RAB33B: variants seen among roughly 807,000 people sequenced by gnomAD.
The protein encoded by RAB33B is RAB33B, member RAS oncogene family.
Under a neutral mutation model 15.0 loss-of-function variants are expected in RAB33B, and 6 were observed. The ratio of observed to expected loss-of-function variants is 0.40; its 90% CI spans 0.22 to 0.79. The LOEUF is 0.79. Ranked by LOEUF, RAB33B falls within the 30% of genes least tolerant of loss-of-function variation. The pLI is 0.37. For missense variants in RAB33B, 257 were observed against 296.4 expected (o/e 0.87, Z 0.98); for synonymous variants, 117 against 108.3 (o/e 1.08, Z -0.50).
At position 139,474,473 on chromosome 4, in the gene RAB33B, T is replaced by C. The variant is rs1295736098; in HGVS notation, c.*1347T>C. 6.6e-6 allele frequency: 1 copy of C among 152,314 alleles called. No individual in the cohort carries two copies. The highest frequency in any genetic ancestry group is 1.9e-4 in the East Asian group (1 of 5,196). The allele number at this position is 152,314 out of a possible 1,614,324, so 9.4% of individuals were successfully genotyped here. On this transcript the variant is annotated 3_prime_UTR_variant, in exon 2 of 2. Coordinates refer to ENST00000305626, the MANE Select transcript of RAB33B (RefSeq NM_031296.3). ...CTTCCTTCAACTCCAATAAATTTAA[T>C]GACTAAATGCCAAGTTAACAAATCA...
In RAB33B at chr4:139,454,206, A is replaced by G. The variant is rs757940962; in HGVS notation, c.11A>G (p.Glu4Gly). 4.3e-6 allele frequency: 7 copies of G among 1,612,258 alleles called. No homozygotes were observed. In the South Asian group the frequency reaches 6.6e-5, roughly 15 times the overall value. ...GGGCGGGTCGGGGGAATGGCTGAGG[A>G]GATGGAGTCGTCGCTCGAGGCAAGC... MAEEMESSLEASFS... is the reference protein window; with the variant it reads MAEGMESSLEASFS... Residue 4 changes from glutamate (E) to glycine (G), a missense_variant, in exon 1 of 2, where the codon GAG (glutamate) becomes GGG (glycine). Physicochemically the swap from Glu to Gly is moderately conservative, Grantham distance 98 (BLOSUM62 -2). Coordinates refer to ENST00000305626, the MANE Select transcript of RAB33B (RefSeq NM_031296.3).
the RAB33B span, among the ~76,000 whole-genome samples, chr4:139,439,901 A>G: frequency 5.3e-5 from 8 of 151,776 alleles, no homozygotes; most frequent in Admixed American, 1.3e-4. Context: ...TCTGTTTTTG[A>G]TATTTCCATT....
chr4:139,454,556 G>A lies in RAB33B; in HGVS notation c.249+112G>A, dbSNP rs1750026102. 6.5e-6 allele frequency: 8 copies of A among 1,237,972 alleles called. No individual in the cohort carries two copies. The East Asian group carries it at 1.5e-4, about 24-fold the overall frequency. The allele number at this position is 1,237,972 out of a possible 1,614,324, so 76.7% of individuals were successfully genotyped here. ...TGTGTGCGCTCCATTTTTTTCTCAC[G>A]CTGATGAGATTGGAGTTGGGGATTG... On this transcript the variant is annotated intron_variant, in intron 1 of 1. Coordinates refer to ENST00000305626, the MANE Select transcript of RAB33B (RefSeq NM_031296.3).
At chr4:139,457,755 T>G (rs1266243338) in intron 1 of RAB33B, among the ~76,000 whole-genome samples, 2 of 152,190 alleles carry the variant, frequency 1.3e-5, no homozygotes, top group Non-Finnish European at 2.9e-5. Context: ...AAGAATGATT[T>G]TTTACATTTT....
the RAB33B span, among the ~76,000 whole-genome samples, chr4:139,445,461 C>A: frequency 2.0e-5 from 3 of 152,326 alleles, no homozygotes; most frequent in East Asian, 1.9e-4. Flanking sequence ...ATAAATCTGA[C>A]TAAAATTCAG....
the RAB33B span, among the ~76,000 whole-genome samples, chr4:139,439,152 T>C: frequency 6.6e-6 from 1 of 152,038 alleles, no homozygotes. Context: ...AGGCACCCAC[T>C]ACCACGCACA....
chr4:139,440,533 G>T, the RAB33B span, among the ~76,000 whole-genome samples: 1 of 152,030 alleles, frequency 6.6e-6, no homozygotes, highest in Non-Finnish European at 1.5e-5. Context: ...ACCACTCTAG[G>T]AACATGTGCA....
At chr4:139,466,831 C>T (rs1293783011) in intron 1 of RAB33B, among the ~76,000 whole-genome samples, 4 of 151,790 alleles carry the variant, frequency 2.6e-5, no homozygotes, top group Non-Finnish European at 4.4e-5. Flanking sequence ...CTGCCCACCT[C>T]GGCCTCCCAA....
chr4:139,459,902 A>G (rs62323107), intron 1 of RAB33B, among the ~76,000 whole-genome samples: 69,731 of 152,040 alleles, frequency 0.46, 18,438 homozygotes, highest in Admixed American at 0.64. Context: ...AAGCGCTGGG[A>G]TTACAGGCGT....
chr4:139,456,926 G>C (rs1579173562), intron 1 of RAB33B, among the ~76,000 whole-genome samples: 1 of 152,148 alleles, frequency 6.6e-6, no homozygotes, highest in East Asian at 1.9e-4. Context: ...AATACATCTT[G>C]AGTGCTGCTG....
At chr4:139,465,395 T>A (rs1196621057) in intron 1 of RAB33B, among the ~76,000 whole-genome samples, 1 of 152,374 alleles carries the variant, frequency 6.6e-6, no homozygotes, top group Non-Finnish European at 1.5e-5. Context: ...TTAGTTTAAT[T>A]AGATTCCATT....
the RAB33B span, among the ~76,000 whole-genome samples, chr4:139,446,432 G>C: frequency 6.6e-6 from 1 of 152,212 alleles, no homozygotes; most frequent in Non-Finnish European, 1.5e-5. Context: ...TTGTATGGAA[G>C]GAGAAATGGC....
chr4:139,443,867 A>T, the RAB33B span, among the ~76,000 whole-genome samples: 1 of 152,168 alleles, frequency 6.6e-6, no homozygotes, highest in Admixed American at 6.5e-5. Flanking sequence ...GCCTGAGGCA[A>T]CAGTGATGGC....
chr4:139,469,308 C>T (rs1351921138), intron 1 of RAB33B, among the ~76,000 whole-genome samples: 1 of 152,130 alleles, frequency 6.6e-6, no homozygotes, highest in African/African-American at 2.4e-5. Flanking sequence ...TTCAAGCTTG[C>T]TTATTCTTTC....
intron 1 of RAB33B, among the ~76,000 whole-genome samples, chr4:139,469,321 C>T (rs949741737): frequency 7.2e-5 from 11 of 152,198 alleles, no homozygotes; most frequent in African/African-American, 2.4e-4. Context: ...ATTCTTTCTT[C>T]TGCTTGATCA....
chr4:139,468,541 A>G (rs1001190840), intron 1 of RAB33B, among the ~76,000 whole-genome samples: 3 of 152,172 alleles, frequency 2.0e-5, no homozygotes, highest in Admixed American at 6.5e-5. Context: ...CGTAGTTATT[A>G]TTTTTGATTG....
intron 1 of RAB33B, among the ~76,000 whole-genome samples, chr4:139,460,191 C>T (rs368570920): frequency 2.6e-5 from 4 of 152,168 alleles, no homozygotes; most frequent in East Asian, 1.9e-4. Context: ...AGGGGGACTA[C>T]GTGGAAGATT....
At chr4:139,466,673 G>A (rs987846314) in intron 1 of RAB33B, among the ~76,000 whole-genome samples, 4 of 151,830 alleles carry the variant, frequency 2.6e-5, no homozygotes, top group Non-Finnish European at 4.4e-5. Flanking sequence ...CTGCCTCCTG[G>A]GTTCAAGCGA....
chr4:139,441,495 T>C, the RAB33B span, among the ~76,000 whole-genome samples: 1 of 152,150 alleles, frequency 6.6e-6, no homozygotes. Flanking sequence ...ATTGACAAAA[T>C]TTAACCACAA....
Sources: gnomAD v4.1 joint callset for allele counts (sites outside exome capture counted in the v4.1 genomes callset) on GRCh38, gnomAD v4.1.1 for gene constraint, MANE v1.5 for transcripts, NCBI Gene and HGNC (gene_info 2026-07-23, HGNC 2026-07-21) for gene names.